Variants in EBF1 observed in about 807,000 individuals in gnomAD.
EBF1 encodes EBF transcription factor 1, also known as transcription factor COE1.
In EBF1, 10 loss-of-function variants were observed where a neutral mutation model predicts 68.4. That is an observed-to-expected ratio of 0.15 (90% CI 0.09 to 0.25). The LOEUF (loss-of-function observed/expected upper bound fraction) is 0.25. EBF1 is among the 10% of genes least tolerant of loss of function. EBF1 has a pLI of 1.00. For synonymous variants in EBF1, 298 were observed against 299.8 expected, an observed-to-expected ratio of 0.99 and a Z score of 0.06; for missense variants, 509 against 794.4, an observed-to-expected ratio of 0.64 and a Z score of 4.32.
intron 4 of EBF1, among the ~76,000 whole-genome samples, chr5:159,090,507 T>C (rs1456273335): frequency 6.6e-6 from 1 of 152,172 alleles, no homozygotes; most frequent in Non-Finnish European, 1.5e-5. Flanking sequence ...AGGCCCGTTT[T>C]CAGAAGTGAA....
chr5:158,954,928 A>G (rs569305930), intron 6 of EBF1, among the ~76,000 whole-genome samples: 24 of 152,344 alleles, frequency 1.6e-4, no homozygotes, highest in African/African-American at 5.8e-4. Context: ...TGAACAAAAA[A>G]CTAAAATAAT....
At chr5:159,005,508 ACTCTGAGTGTGCATTT>A (rs2127661202) in intron 6 of EBF1, among the ~76,000 whole-genome samples, 1 of 152,198 alleles carries the variant, frequency 6.6e-6, no homozygotes, top group East Asian at 1.9e-4. Context: ...ATTTTAAAGC[ACTCTGAGTGTGCATTT>A]CTCAGAGCTA....
In EBF1 at chr5:158,871,898, C is replaced by G. The variant is rs1796940391; in HGVS notation, c.555-31788G>C. ...AAACAAAACAAAACAAAAACCCAGACAGCACCAGCTTGGAACAGTCAGGTC... is the reference window on the plus strand; with the variant it reads ...AAACAAAACAAAACAAAAACCCAGAGAGCACCAGCTTGGAACAGTCAGGTC... On this transcript the variant is annotated intron_variant, in intron 6 of 15. Coordinates refer to ENST00000313708, the MANE Select transcript of EBF1 (RefSeq NM_024007.5). Among the ~76,000 whole-genome samples the G allele has an allele frequency of 2.0e-5, 3 of 152,314 alleles. No homozygotes were observed. The South Asian group carries it at 6.2e-4, about 32-fold the overall frequency.
intron 10 of EBF1, among the ~76,000 whole-genome samples, chr5:158,752,228 A>C (rs1413694420): frequency 1.3e-5 from 2 of 151,988 alleles, no homozygotes; most frequent in African/African-American, 2.4e-5. Flanking sequence ...ATTAAGAACT[A>C]GGATTGAAGT....
At chr5:158,761,958 G>A (rs1345365597) in intron 10 of EBF1, among the ~76,000 whole-genome samples, 1 of 152,110 alleles carries the variant, frequency 6.6e-6, no homozygotes, top group Non-Finnish European at 1.5e-5. Flanking sequence ...TGTGCTTCTT[G>A]TAACATGTAC....
intron 5 of EBF1, among the ~76,000 whole-genome samples, chr5:159,083,637 A>G (rs1780107745): frequency 6.6e-6 from 1 of 152,180 alleles, no homozygotes; most frequent in Non-Finnish European, 1.5e-5. Flanking sequence ...CCACCTGTAG[A>G]GTTTTAAGGT....
intron 8 of EBF1, among the ~76,000 whole-genome samples, chr5:158,814,613 G>A (rs1783362131): frequency 6.6e-6 from 1 of 152,118 alleles, no homozygotes; most frequent in African/African-American, 2.4e-5. Flanking sequence ...TTTCTAGCAT[G>A]AGGTTTACAA....
At chr5:158,743,328 A>C (rs1766837364) in intron 10 of EBF1, among the ~76,000 whole-genome samples, 1 of 152,218 alleles carries the variant, frequency 6.6e-6, no homozygotes, top group Non-Finnish European at 1.5e-5. Context: ...GTTATACAAA[A>C]GATGTGTTCA....
At chr5:159,074,659 T>C (rs1045928411) in intron 5 of EBF1, among the ~76,000 whole-genome samples, 1 of 152,358 alleles carries the variant, frequency 6.6e-6, no homozygotes, top group South Asian at 2.1e-4. Context: ...TTGGAAAGTC[T>C]CTTTTCTTGC....
chr5:159,009,825 G>A (rs939240546), intron 6 of EBF1, among the ~76,000 whole-genome samples: 2 of 151,062 alleles, frequency 1.3e-5, no homozygotes, highest in African/African-American at 4.9e-5. Flanking sequence ...CGTGATATTA[G>A]CATAGCTGAC....
chr5:158,839,898 T>C, intron 7 of EBF1, 131 bp downstream of exon 7: 2 of 789,228 alleles, frequency 2.5e-6, no homozygotes, highest in African/African-American at 1.7e-5. Context: ...TGCAGATACC[T>C]GGGGGACCAA....
chr5:159,012,245 C>T (rs1764813321), intron 6 of EBF1, among the ~76,000 whole-genome samples: 1 of 151,524 alleles, frequency 6.6e-6, no homozygotes, highest in African/African-American at 2.4e-5. Context: ...TGAGATCGCG[C>T]CACTGCATTC....
At chr5:158,867,290 AG>A (rs1022250572) in intron 6 of EBF1, among the ~76,000 whole-genome samples, 7 of 152,248 alleles carry the variant, frequency 4.6e-5, no homozygotes, top group Admixed American at 2.0e-4. Context: ...GGGTTGGAAG[AG>A]GTTACTTATT....
intron 6 of EBF1, among the ~76,000 whole-genome samples, chr5:159,035,288 C>T (rs1769803709): frequency 6.6e-6 from 1 of 151,762 alleles, no homozygotes; most frequent in Admixed American, 6.6e-5. Context: ...TTTACTTCTG[C>T]TAAATGGAAC....
chr5:158,711,694 C>T (rs1338190320), intron 14 of EBF1, among the ~76,000 whole-genome samples: 2 of 151,134 alleles, frequency 1.3e-5, no homozygotes, highest in East Asian at 1.9e-4. Flanking sequence ...TTCTTTGAGA[C>T]GGAGTCTTGC....
At chr5:158,967,099 A>G (rs1754329826) in intron 6 of EBF1, among the ~76,000 whole-genome samples, 1 of 151,134 alleles carries the variant, frequency 6.6e-6, no homozygotes, top group Non-Finnish European at 1.5e-5. Flanking sequence ...ATTTGGGGGA[A>G]TGTACTTATA....
chr5:158,696,346 T>TA lies in EBF1; in HGVS notation c.*2764dup. ...TGTCTTTTCATCTAATCAATAGAAA[T>TA]AGAAGCAACAAAACACAAATTATAC... is the stretch of plus-strand genomic sequence containing the variant. On this transcript the variant is annotated 3_prime_UTR_variant, in exon 16 of 16. Transcript: ENST00000313708. 4.5e-6 allele frequency: 1 copy of TA among 222,044 alleles called. No individual in the cohort carries two copies. The highest frequency in any genetic ancestry group is 2.2e-5 in the African/African-American group (1 of 44,722). The allele number at this position is 222,044 out of a possible 1,614,324, so 13.8% of individuals were successfully genotyped here.
At chr5:159,039,535 T>G (rs1442708786) in intron 6 of EBF1, among the ~76,000 whole-genome samples, 1 of 152,240 alleles carries the variant, frequency 6.6e-6, no homozygotes, top group African/African-American at 2.4e-5. Context: ...AAATATTACA[T>G]TATACTTTAT....
At chr5:159,011,070 T>C (rs1185153687) in intron 6 of EBF1, among the ~76,000 whole-genome samples, 6 of 152,022 alleles carry the variant, frequency 3.9e-5, no homozygotes, top group South Asian at 2.1e-4. Context: ...AAATCTGGAG[T>C]GTGATTTGAA....
Sources: gnomAD v4.1 joint callset for allele counts (sites outside exome capture counted in the v4.1 genomes callset) on GRCh38, gnomAD v4.1.1 for gene constraint, MANE v1.5 for transcripts, NCBI Gene and HGNC (gene_info 2026-07-23, HGNC 2026-07-21) for gene names.